The following ARMH3 variants were observed in gnomAD, a reference collection of about 807,000 sequenced individuals.
ARMH3 encodes armadillo like helical domain containing 3.
A neutral mutation model predicts 99.1 loss-of-function variants in ARMH3; 60 were observed. The ratio of observed to expected loss-of-function variants is 0.61; its 90% CI spans 0.49 to 0.75. The LOEUF (loss-of-function observed/expected upper bound fraction) is 0.75, where lower values mean the gene tolerates loss of function less well. ARMH3 is among the 30% of genes least tolerant of loss of function. The pLI is 0.00. For synonymous variants in ARMH3, 285 were observed against 292.8 expected (o/e 0.97, Z 0.27); for missense variants, 679 against 843.1 (o/e 0.81, Z 2.41).
intron 22 of ARMH3, among the ~76,000 whole-genome samples, chr10:101,950,235 T>G (rs1405451976): frequency 6.6e-6 from 1 of 152,038 alleles, no homozygotes; most frequent in Non-Finnish European, 1.5e-5. Context: ...CCAAAAAGGT[T>G]ACAAAAACTA....
intron 23 of ARMH3, among the ~76,000 whole-genome samples, chr10:101,899,987 C>G (rs1262086811): frequency 6.6e-6 from 1 of 152,162 alleles, no homozygotes; most frequent in African/African-American, 2.4e-5. Context: ...GTTGAAAGAA[C>G]CACAAAAGTC....
At chr10:102,030,677 C>G (rs1044147979) in intron 4 of ARMH3, among the ~76,000 whole-genome samples, 6 of 152,040 alleles carry the variant, frequency 3.9e-5, no homozygotes, top group Non-Finnish European at 7.4e-5. Flanking sequence ...CCATTGCACT[C>G]CAGCCTGGGC....
intron 24 of ARMH3, among the ~76,000 whole-genome samples, chr10:101,854,014 G>A (rs1056885701): frequency 6.6e-6 from 1 of 152,204 alleles, no homozygotes; most frequent in African/African-American, 2.4e-5. Flanking sequence ...TCGGGAGGCT[G>A]AGGCAGGAGA....
intron 24 of ARMH3, among the ~76,000 whole-genome samples, chr10:101,879,184 GC>G (rs540128001): frequency 2.2e-4 from 34 of 152,032 alleles, no homozygotes; most frequent in African/African-American, 8.2e-4. Context: ...TGTCACATAT[GC>G]CCCAGCCTGA....
intron 15 of ARMH3, among the ~76,000 whole-genome samples, chr10:101,997,568 G>T (rs1354727771): frequency 6.6e-6 from 1 of 151,282 alleles, no homozygotes; most frequent in Non-Finnish European, 1.5e-5. Context: ...TTCCAGCCTG[G>T]CGACAGAGCA....
intron 24 of ARMH3, among the ~76,000 whole-genome samples, chr10:101,874,284 A>ATTT (rs1457261612): frequency 6.6e-6 from 1 of 152,026 alleles, no homozygotes; most frequent in Admixed American, 6.6e-5. Flanking sequence ...GTTAAATTTA[A>ATTT]AAGTCCAGCA....
At chr10:101,993,455 T>G (rs952690404) in intron 17 of ARMH3, 83 bp downstream of exon 17, 63 of 1,046,666 alleles carry the variant, frequency 6.0e-5, no homozygotes, top group Non-Finnish European at 8.7e-5. Flanking sequence ...ACATTTGTTC[T>G]AGTAAGATCA....
intron 24 of ARMH3, among the ~76,000 whole-genome samples, chr10:101,865,399 T>G (rs1361336654): frequency 6.6e-6 from 1 of 152,138 alleles, no homozygotes; most frequent in Non-Finnish European, 1.5e-5. Flanking sequence ...ATGGCACCAT[T>G]TGCAGCTGAG....
intron 20 of ARMH3, among the ~76,000 whole-genome samples, chr10:101,972,981 GC>G (rs1414768503): frequency 6.6e-6 from 1 of 152,116 alleles, no homozygotes; most frequent in Non-Finnish European, 1.5e-5. Context: ...ATAAAGAATG[GC>G]CTTCTTCTTC....
At chr10:101,882,787 A>G (rs1004535647) in intron 24 of ARMH3, among the ~76,000 whole-genome samples, 7 of 152,250 alleles carry the variant, frequency 4.6e-5, no homozygotes, top group Admixed American at 2.0e-4. Context: ...ATGAGCCACC[A>G]CACCCAGCCT....
At chr10:102,040,997 G>A (rs1035815442) in intron 1 of ARMH3, among the ~76,000 whole-genome samples, 25 of 150,542 alleles carry the variant, frequency 1.7e-4, no homozygotes, top group African/African-American at 6.1e-4. Flanking sequence ...GCAGAAAATA[G>A]CAGCTAAGAG....
At chr10:101,867,834 A>C (rs1403993286) in intron 24 of ARMH3, among the ~76,000 whole-genome samples, 1 of 151,836 alleles carries the variant, frequency 6.6e-6, no homozygotes, top group Non-Finnish European at 1.5e-5. Flanking sequence ...CCCATCCCAA[A>C]AAAAAAAGAA....
At chr10:102,024,702 C>G (rs1353123146) in intron 6 of ARMH3, among the ~76,000 whole-genome samples, 2 of 151,718 alleles carry the variant, frequency 1.3e-5, no homozygotes, top group African/African-American at 4.8e-5. Context: ...GCCTGTAATC[C>G]CAGCTACTTG....
intron 1 of ARMH3, among the ~76,000 whole-genome samples, chr10:102,042,293 GA>G (rs2067442486): frequency 6.6e-6 from 1 of 152,236 alleles, no homozygotes; most frequent in African/African-American, 2.4e-5. Flanking sequence ...TGATTAGCAG[GA>G]AGAGTGGGAA....
At chr10:101,881,884 C>T (rs565971957) in intron 24 of ARMH3, among the ~76,000 whole-genome samples, 45 of 152,294 alleles carry the variant, frequency 3.0e-4, no homozygotes, top group African/African-American at 1.1e-3. Context: ...CAATCCCTAC[C>T]ACTCCTCTTT....
intron 1 of ARMH3, among the ~76,000 whole-genome samples, chr10:102,053,229 A>G (rs2067750962): frequency 6.6e-6 from 1 of 151,128 alleles, no homozygotes; most frequent in East Asian, 1.9e-4. Context: ...AAAAAAAAAA[A>G]AAAAAAAAAA....
chr10:101,847,765 T>A (rs1049734396), intron 25 of ARMH3, 145 bp from the exon 26 acceptor site: 8 of 710,426 alleles, frequency 1.1e-5, no homozygotes, highest in East Asian at 5.4e-5. Context: ...ACAGCTATTA[T>A]CCCTGCAGGC....
chr10:101,905,720 G>A (rs2068086135), intron 23 of ARMH3, among the ~76,000 whole-genome samples: 1 of 152,126 alleles, frequency 6.6e-6, no homozygotes, highest in South Asian at 2.1e-4. Context: ...AAAAGGTCTG[G>A]ACATTATCCT....
At chr10:102,034,823 G>A (rs866796193) in intron 2 of ARMH3, among the ~76,000 whole-genome samples, 40 of 151,960 alleles carry the variant, frequency 2.6e-4, no homozygotes, top group African/African-American at 9.7e-4. Flanking sequence ...CAGGAGAATC[G>A]CTTGAACCCA....
Sources: gnomAD v4.1 joint callset for allele counts (sites outside exome capture counted in the v4.1 genomes callset) on GRCh38, gnomAD v4.1.1 for gene constraint, MANE v1.5 for transcripts, NCBI Gene and HGNC (gene_info 2026-07-23, HGNC 2026-07-21) for gene names.